Variants in SEM1 observed in about 807,000 individuals in gnomAD.
The protein encoded by SEM1 is SEM1 26S proteasome subunit, also known as 26S proteasome complex subunit SEM1.
In SEM1, 3 loss-of-function variants were observed where a neutral mutation model predicts 12.7. The observed-to-expected ratio is 0.24, with a 90% CI of 0.11 to 0.61. SEM1 has a LOEUF of 0.61. Among genes scored for constraint, SEM1 ranks in the 20% least tolerant of loss-of-function variants. The pLI is 0.88. For synonymous variants in SEM1, 30 were observed against 27.8 expected (o/e 1.08, Z -0.25); for missense variants, 59 against 81.3 (o/e 0.73, Z 1.06).
downstream of SEM1, among the ~76,000 whole-genome samples, chr7:96,685,723 T>TA (rs1038964804): frequency 3.3e-5 from 5 of 149,718 alleles, no homozygotes; most frequent in African/African-American, 1.2e-4. Flanking sequence ...TGGTACATAG[T>TA]AAGCATCAGT....
chr7:96,667,066 C>T (rs549309985), intron 2 of SEM1, among the ~76,000 whole-genome samples: 26 of 152,312 alleles, frequency 1.7e-4, no homozygotes, highest in Admixed American at 1.6e-3. Context: ...ATGAGACAAA[C>T]CTTCCCAGTT....
chr7:96,513,704 C>T (rs1804000678), intron 2 of SEM1, among the ~76,000 whole-genome samples: 1 of 151,992 alleles, frequency 6.6e-6, no homozygotes, highest in Non-Finnish European at 1.5e-5. Flanking sequence ...TGGTGTGCAC[C>T]TGTAATCCCA....
intron 2 of SEM1, among the ~76,000 whole-genome samples, chr7:96,645,123 A>AG (rs1350869594): frequency 6.6e-6 from 1 of 152,154 alleles, no homozygotes; most frequent in East Asian, 1.9e-4. Flanking sequence ...AGACTATATG[A>AG]GAATTGTCCC....
chr7:96,666,434 A>G (rs1584848299), intron 2 of SEM1, among the ~76,000 whole-genome samples: 2 of 152,124 alleles, frequency 1.3e-5, no homozygotes, highest in East Asian at 1.9e-4. Context: ...TAAAACCTAC[A>G]TTGTTGGATT....
At chr7:96,659,925 A>AAAAAC (rs1788938502) in intron 2 of SEM1, among the ~76,000 whole-genome samples, 1 of 148,766 alleles carries the variant, frequency 6.7e-6, no homozygotes, top group African/African-American at 2.6e-5. Flanking sequence ...AAAAAAAAAA[A>AAAAAC]AAAAACAAAA....
At chr7:96,568,222 T>G (rs1400229377) in intron 2 of SEM1, among the ~76,000 whole-genome samples, 1 of 145,084 alleles carries the variant, frequency 6.9e-6, no homozygotes, top group Non-Finnish European at 1.5e-5. Flanking sequence ...GATTTAAGTT[T>G]CTAGAAATGT....
chr7:96,708,392 T>C (rs1444840143), intron 1 of SEM1, among the ~76,000 whole-genome samples: 1 of 152,214 alleles, frequency 6.6e-6, no homozygotes, highest in Non-Finnish European at 1.5e-5. Context: ...ACATTATAAA[T>C]AGAACAAATG....
chr7:96,705,819 CAAAAAAAAAA>C (rs1218812594), intron 1 of SEM1, among the ~76,000 whole-genome samples: 1 of 96,452 alleles, frequency 1.0e-5, no homozygotes, highest in Non-Finnish European at 2.2e-5. Context: ...GACTCTGTCT[CAAAAAAAAAA>C]AAAAAGTTTT....
intron 2 of SEM1, among the ~76,000 whole-genome samples, chr7:96,617,014 G>C (rs1807742080): frequency 6.6e-6 from 1 of 152,054 alleles, no homozygotes; most frequent in African/African-American, 2.4e-5. Context: ...GTTCAGGATT[G>C]CTTTGGTTAT....
chr7:96,687,450 G>A (rs1789795614), downstream of SEM1, among the ~76,000 whole-genome samples: 5 of 152,102 alleles, frequency 3.3e-5, no homozygotes, highest in South Asian at 2.1e-4. Flanking sequence ...ATACTATGCA[G>A]CCATAAAAAA....
At chr7:96,649,958 G>A (rs1259207282) in intron 2 of SEM1, 1 of 152,186 alleles carries the variant, frequency 6.6e-6, no homozygotes, top group Non-Finnish European at 1.5e-5. Flanking sequence ...CTCTCCATCT[G>A]ATCCATCATC....
At chr7:96,495,631 G>C (rs916398786) in intron 1 of SEM1, among the ~76,000 whole-genome samples, 11 of 152,166 alleles carry the variant, frequency 7.2e-5, no homozygotes, top group African/African-American at 2.7e-4. Context: ...GAAATGATCA[G>C]TATTGGCCAT....
intron 2 of SEM1, among the ~76,000 whole-genome samples, chr7:96,585,841 G>A (rs62471427): frequency 0.35 from 53,446 of 151,962 alleles, 9,619 homozygotes; most frequent in Admixed American, 0.46. Flanking sequence ...CACGGTGCGC[G>A]CACCCACTGA....
chr7:96,589,072 A>G (rs181005296), intron 2 of SEM1, among the ~76,000 whole-genome samples: 196 of 152,330 alleles, frequency 1.3e-3, no homozygotes, highest in Non-Finnish European at 2.4e-3. Context: ...GATGATGGCT[A>G]TTGCCTGCCT....
intron 2 of SEM1, among the ~76,000 whole-genome samples, chr7:96,614,726 G>T (rs1418976221): frequency 6.6e-6 from 1 of 152,202 alleles, no homozygotes; most frequent in African/African-American, 2.4e-5. Flanking sequence ...TTCTGCACAT[G>T]CTACCTAGTG....
chr7:96,689,636 G>A (rs4729275), intron 2 of SEM1, among the ~76,000 whole-genome samples: 7,764 of 152,244 alleles, frequency 0.051, 246 homozygotes, highest in South Asian at 0.091. Flanking sequence ...CTATTCCAAT[G>A]CAAACACATG....
At chr7:96,557,242 G>A (rs976201151) in intron 2 of SEM1, among the ~76,000 whole-genome samples, 44 of 150,150 alleles carry the variant, frequency 2.9e-4, no homozygotes, top group Non-Finnish European at 1.3e-4. Flanking sequence ...GAGGAACTGC[G>A]TTCCTTTGGA....
chr7:96,580,326 T>C (rs1457599995), intron 2 of SEM1, among the ~76,000 whole-genome samples: 11 of 147,846 alleles, frequency 7.4e-5, no homozygotes, highest in Non-Finnish European at 1.7e-4. Context: ...TGCATAGTAT[T>C]CCATGGTGTA....
intron 2 of SEM1, among the ~76,000 whole-genome samples, chr7:96,516,415 G>A (rs1248362327): frequency 6.6e-6 from 1 of 152,030 alleles, no homozygotes; most frequent in Non-Finnish European, 1.5e-5. Flanking sequence ...TTAAAAAATG[G>A]GCCAAAGACC....
Sources: gnomAD v4.1 joint callset for allele counts (sites outside exome capture counted in the v4.1 genomes callset) on GRCh38, gnomAD v4.1.1 for gene constraint, MANE v1.5 for transcripts, NCBI Gene and HGNC (gene_info 2026-07-23, HGNC 2026-07-21) for gene names.